Variants in GMPS observed in about 807,000 individuals in gnomAD.
The protein encoded by GMPS is GMP synthase [glutamine-hydrolyzing].
GMPS carries 15 observed loss-of-function variants against 77.9 expected under a neutral mutation model. The ratio of observed to expected loss-of-function variants is 0.19; its 90% CI spans 0.13 to 0.30. The LOEUF is 0.30. Ranked by LOEUF, GMPS falls within the 10% of genes least tolerant of loss-of-function variation. The probability of loss-of-function intolerance (pLI) is 1.00; values close to 1 mark genes in which losing one functional copy is unlikely to be tolerated. For synonymous variants in GMPS, 224 were observed against 275.9 expected, an observed-to-expected ratio of 0.81 and a Z score of 1.86; for missense variants, 590 against 838.8, an observed-to-expected ratio of 0.70 and a Z score of 3.66.
rs1755822616 is a variant in GMPS, at chr3:155,938,815, A to G, written c.*1123A>G. The G allele has an allele frequency of 4.7e-6, 1 of 212,418 alleles. No individual in the cohort carries two copies. The highest frequency in any genetic ancestry group is 9.5e-6 in the Non-Finnish European group (1 of 104,898). 13.2% of individuals were successfully genotyped at this position (212,418 alleles called of 1,614,324 possible). On this transcript the variant is annotated 3_prime_UTR_variant, in exon 16 of 16. Transcript: ENST00000496455. ...AAGAACTGGTGTAGGACTTGTTGCC[A>G]TCACCACCAGTTTCTAACAGATCTT... is the stretch of plus-strand genomic sequence containing the variant.
At chr3:155,874,278 C>G (rs1247080752) in intron 1 of GMPS, among the ~76,000 whole-genome samples, 1 of 152,164 alleles carries the variant, frequency 6.6e-6, no homozygotes, top group Non-Finnish European at 1.5e-5. Flanking sequence ...AAGGTGGTAC[C>G]TGTCCTATCA....
At position 155,940,375 on chromosome 3, in the gene GMPS, A is replaced by G; in HGVS notation, c.*2683A>G. 1 of 202,294 alleles carries G rather than the reference A, an allele frequency of 4.9e-6. No homozygotes were observed. The highest frequency in any genetic ancestry group is 2.3e-5 in the African/African-American group (1 of 43,774). 12.5% of individuals were successfully genotyped at this position (202,294 alleles called of 1,614,324 possible). ...GTAGATATATCCAGGAGATAGGGTT[A>G]CACTGTTTTCTAACCTTTTTTAAAT... On this transcript the variant is annotated 3_prime_UTR_variant, in exon 16 of 16. Transcript: ENST00000496455.
At chr3:155,903,480 T>C (rs1034051011) in intron 3 of GMPS, among the ~76,000 whole-genome samples, 6 of 152,216 alleles carry the variant, frequency 3.9e-5, no homozygotes, top group African/African-American at 1.4e-4. Flanking sequence ...AAGGTTCTTG[T>C]TGTCTGCTGT....
chr3:155,916,412 CT>C (rs2108113518), intron 9 of GMPS, among the ~76,000 whole-genome samples: 1 of 152,190 alleles, frequency 6.6e-6, no homozygotes, highest in South Asian at 2.1e-4. Context: ...CCAGCTCCTC[CT>C]TTCCTCCTTT....
Position 155,931,784 on chromosome 3 carries a change from G to C in GMPS, c.1580G>C (p.Ser527Thr), listed in dbSNP as rs1392670814. 6.5e-7 allele frequency: 1 copy of C among 1,538,390 alleles called. No individual in the cohort carries two copies. The highest frequency in any genetic ancestry group is 9.0e-7 in the Non-Finnish European group (1 of 1,112,614). The change falls in exon 13 of 16, where the codon AGT becomes ACT. Residue 527 changes from serine to threonine, a missense_variant. This residue lies in a region of GMPS where 89 missense variants were observed against 95.9 expected (regional missense o/e 0.93). Transcript: ENST00000496455. Reference sequence around the variant, plus strand: ...TTTCAGGGTGACTGTCGTTCCTACAGTTACGTGTGTGGAATCTCCAGTAAA... The same window carrying C: ...TTTCAGGGTGACTGTCGTTCCTACACTTACGTGTGTGGAATCTCCAGTAAA... The part of the protein sequence containing the change: ...VGVQGDCRSY[S>T]YVCGISSKDE...
At position 155,939,202 on chromosome 3, in the gene GMPS, T is replaced by G. The variant is rs574265772; in HGVS notation, c.*1510T>G. On this transcript the variant is annotated 3_prime_UTR_variant, in exon 16 of 16. Transcript: ENST00000496455. Reference sequence around the variant, plus strand: ...CAAAACTTAAAGGGTACATTCTCTATCTGATGAGGAGGTACTCATTATGGC... The same window carrying G: ...CAAAACTTAAAGGGTACATTCTCTAGCTGATGAGGAGGTACTCATTATGGC... 1.5e-4 allele frequency: 34 copies of G among 220,912 alleles called. 1 individual carries two copies. The South Asian group carries it at 6.1e-3, about 39-fold the overall frequency. The allele number at this position is 220,912 out of a possible 1,614,324, so 13.7% of individuals were successfully genotyped here.
intron 12 of GMPS, among the ~76,000 whole-genome samples, chr3:155,930,895 C>T (rs1321815980): frequency 2.0e-5 from 3 of 152,232 alleles, no homozygotes; most frequent in South Asian, 4.1e-4. Context: ...GATCACTGCT[C>T]ACGATAGCCT....
chr3:155,912,102 A>G (rs1490534823), intron 7 of GMPS, among the ~76,000 whole-genome samples: 2 of 152,254 alleles, frequency 1.3e-5, no homozygotes, highest in African/African-American at 4.8e-5. Flanking sequence ...AAATGAGGTC[A>G]GTAGTTTAAT....
chr3:155,882,229 T>A (rs986463633), intron 1 of GMPS, among the ~76,000 whole-genome samples: 3 of 152,170 alleles, frequency 2.0e-5, no homozygotes, highest in Non-Finnish European at 4.4e-5. Flanking sequence ...AGTGATAAAA[T>A]CATGGATACA....
chr3:155,873,289 A>T (rs12491537), intron 1 of GMPS, among the ~76,000 whole-genome samples: 17,928 of 151,932 alleles, frequency 0.12, 1,324 homozygotes, highest in Admixed American at 0.24. Flanking sequence ...TTAATTTTTA[A>T]TTTATATTAT....
At chr3:155,888,971 T>A (rs1754402944) in intron 1 of GMPS, among the ~76,000 whole-genome samples, 1 of 151,998 alleles carries the variant, frequency 6.6e-6, no homozygotes, top group East Asian at 1.9e-4. Context: ...TCTGCCTCCC[T>A]CCACTACCGC....
In GMPS at chr3:155,897,916, T is replaced by G. The variant is rs775122044; in HGVS notation, c.210-11T>G. The G allele has an allele frequency of 3.1e-6, 4 of 1,306,294 alleles. No individual in the cohort carries two copies. In the South Asian group the frequency reaches 4.7e-5, roughly 15 times the overall value. 80.9% of individuals were successfully genotyped at this position (1,306,294 alleles called of 1,614,324 possible). ...ACAGAGATTCTTCACTGATTGTTCC[T>G]TAAATCACAGTGCTATTATCATCTC... On this transcript the variant is annotated splice_polypyrimidine_tract_variant and intron_variant, in intron 2 of 15. Coordinates refer to ENST00000496455, the MANE Select transcript of GMPS (RefSeq NM_003875.3).
chr3:155,890,846 A>G (rs186177673), intron 1 of GMPS, among the ~76,000 whole-genome samples: 165 of 152,204 alleles, frequency 1.1e-3, no homozygotes, highest in Non-Finnish European at 1.8e-3. Flanking sequence ...CATATATTCA[A>G]ATTTCACTCC....
rs547862518 is a variant in GMPS, at chr3:155,935,223, G to GC, written c.1807+180dup. Among the ~76,000 whole-genome samples, 6 of 152,054 alleles carry GC rather than the reference G, an allele frequency of 3.9e-5. No individual in the cohort carries two copies. The South Asian group carries it at 1.2e-3, about 32-fold the overall frequency. On this transcript the variant is annotated intron_variant, in intron 14 of 15. Transcript: ENST00000496455. The stretch of plus-strand genomic sequence containing the variant: ...GAGACGGAGTCTGTCTTGCTCTGTC[G>GC]CCCAGGCTGGAGTGCAGTGGCACAA...
In GMPS at chr3:155,940,993, A is replaced by C; in HGVS notation, c.*3301A>C. ...ATATGCTTTGGCTTTGACACTAATG[A>C]AGTCACCCATCATCAATTACATACA... is the stretch of plus-strand genomic sequence containing the variant. On this transcript the variant is annotated 3_prime_UTR_variant, in exon 16 of 16. Coordinates refer to ENST00000496455, the MANE Select transcript of GMPS (RefSeq NM_003875.3). The C allele has an allele frequency of 4.9e-6, 1 of 204,008 alleles. No individual in the cohort carries two copies. The allele number at this position is 204,008 out of a possible 1,614,324, so 12.6% of individuals were successfully genotyped here. A position where few individuals can be genotyped will look rare whatever the true frequency, so the allele number is the denominator to read the frequency against.
At chr3:155,912,328 T>C (rs2108105721) in intron 7 of GMPS, among the ~76,000 whole-genome samples, 1 of 152,290 alleles carries the variant, frequency 6.6e-6, no homozygotes, top group East Asian at 1.9e-4. Context: ...TGTTGGAAAG[T>C]GGAAAGCAGA....
At chr3:155,875,806 A>G (rs1397714254) in intron 1 of GMPS, among the ~76,000 whole-genome samples, 2 of 152,212 alleles carry the variant, frequency 1.3e-5, no homozygotes, top group East Asian at 3.8e-4. Context: ...TAGTAAAAAC[A>G]TAACAGTCAA....
At chr3:155,886,608 T>G (rs1754344133) in intron 1 of GMPS, among the ~76,000 whole-genome samples, 1 of 128,740 alleles carries the variant, frequency 7.8e-6, no homozygotes, top group Non-Finnish European at 1.6e-5. Context: ...CTATTCCTGA[T>G]GACTTTTTTT....
intron 1 of GMPS, among the ~76,000 whole-genome samples, chr3:155,873,825 CAG>C (rs1377885551): frequency 6.6e-6 from 1 of 151,194 alleles, no homozygotes; most frequent in East Asian, 2.0e-4. Flanking sequence ...TTAGTAGAGA[CAG>C]GGTTTCACTG....
Sources: gnomAD v4.1 joint callset for allele counts (sites outside exome capture counted in the v4.1 genomes callset) on GRCh38, gnomAD v4.1.1 for gene constraint, gnomAD v4.1.1 regional missense constraint, MANE v1.5 for transcripts, NCBI Gene and HGNC (gene_info 2026-07-23, HGNC 2026-07-21) for gene names.